Variants in CLCN5 observed in about 807,000 individuals in gnomAD.
CLCN5 encodes Cl-/H+ antiporter 5.
In CLCN5, 17 loss-of-function variants were observed where a neutral mutation model predicts 54.0. The ratio of observed to expected loss-of-function variants is 0.31; its 90% CI spans 0.22 to 0.47. The LOEUF (loss-of-function observed/expected upper bound fraction) is 0.47. Among genes scored for constraint, CLCN5 ranks in the 20% least tolerant of loss-of-function variants. The pLI, the probability that CLCN5 is intolerant of heterozygous loss-of-function variation, is 1.00. For synonymous variants in CLCN5, 222 were observed against 233.0 expected (o/e 0.95, Z 0.43); for missense variants, 448 against 646.7 (o/e 0.69, Z 3.33).
At chrX:50,005,976 A>G (rs1930130879) in intron 3 of CLCN5, among the ~76,000 whole-genome samples, 1 of 112,464 alleles carries the variant, frequency 8.9e-6, no homozygotes, top group South Asian at 3.7e-4. Context: ...AGATAAATAC[A>G]TCATGATTCC....
chrX:50,074,799 A>G (rs1557191901), intron 6 of CLCN5, among the ~76,000 whole-genome samples: 2 of 112,034 alleles, frequency 1.8e-5, no homozygotes, highest in Admixed American at 9.5e-5. Context: ...CAATAGAAGC[A>G]GTGTGTCTGA....
At chrX:49,944,873 T>C (rs1926605267) in intron 3 of CLCN5, among the ~76,000 whole-genome samples, 1 of 111,676 alleles carries the variant, frequency 9.0e-6, no homozygotes, top group Non-Finnish European at 1.9e-5. Context: ...CACCCACTTT[T>C]ATATCATATT....
At chrX:50,066,222 T>G (rs1292189644) in intron 4 of CLCN5, among the ~76,000 whole-genome samples, 2 of 83,408 alleles carry the variant, frequency 2.4e-5, no homozygotes, top group Middle Eastern at 4.9e-3. Context: ...AAAAAGACAG[T>G]CACAGTTGGG....
chrX:49,935,325 T>C (rs1164215635), intron 3 of CLCN5, among the ~76,000 whole-genome samples: 8 of 111,935 alleles, frequency 7.1e-5, no homozygotes, highest in African/African-American at 2.3e-4. Flanking sequence ...GATCCTCTGG[T>C]AAAATTGGCT....
At chrX:50,066,536 A>C (rs1162421971) in intron 4 of CLCN5, among the ~76,000 whole-genome samples, 2 of 112,244 alleles carry the variant, frequency 1.8e-5, no homozygotes, top group Non-Finnish European at 3.8e-5. Flanking sequence ...AATGTTTAAC[A>C]GTGGCTGTCC....
intron 4 of CLCN5, among the ~76,000 whole-genome samples, chrX:50,059,853 A>T (rs924243298): frequency 9.2e-6 from 1 of 108,787 alleles, no homozygotes; most frequent in Admixed American, 1.0e-4. Flanking sequence ...ACGTGGCACC[A>T]GCTATGCAAT....
At chrX:49,997,791 G>A (rs1237767255) in intron 3 of CLCN5, among the ~76,000 whole-genome samples, 3 of 110,253 alleles carry the variant, frequency 2.7e-5, no homozygotes, top group Admixed American at 1.9e-4. Context: ...AAAGTGCTGG[G>A]ATTACAGGCA....
chrX:49,972,357 C>T (rs1337683283), intron 3 of CLCN5, among the ~76,000 whole-genome samples: 1 of 111,349 alleles, frequency 9.0e-6, no homozygotes, highest in Non-Finnish European at 1.9e-5. Flanking sequence ...TATCCTTCCT[C>T]CCTCTGTTTT....
At chrX:50,083,318 A>G (rs1557193470) in intron 9 of CLCN5, among the ~76,000 whole-genome samples, 1 of 111,508 alleles carries the variant, frequency 9.0e-6, no homozygotes, top group African/African-American at 3.3e-5. Flanking sequence ...AGGAGAGGAA[A>G]GCTAGCAGGA....
chrX:49,999,409 CTT>C (rs782377247), intron 3 of CLCN5, among the ~76,000 whole-genome samples: 46 of 91,143 alleles, frequency 5.0e-4, no homozygotes, highest in Admixed American at 7.3e-4. Context: ...GTGGACTTTG[CTT>C]TTTTTTTTTT....
Position 50,095,846 on chromosome X carries a change from C to T in CLCN5, c.*3627C>T, listed in dbSNP as rs1057515941. On this transcript the variant is annotated 3_prime_UTR_variant, in exon 15 of 15. Transcript: ENST00000376091. ...CTATATGTTTTAAGTAGTTCAATCA[C>T]CTGTTGTGGTTCAGTCTTGATTATT... The T allele has an allele frequency of 8.9e-6, 1 of 112,484 alleles. No homozygotes were observed. The highest frequency in any genetic ancestry group is 1.9e-5 in the Non-Finnish European group (1 of 53,325). The allele number at this position is 112,484 out of a possible 1,213,427, so 9.3% of individuals were successfully genotyped here. A position where few individuals can be genotyped will look rare whatever the true frequency, so the allele number is the denominator to read the frequency against.
Position 50,094,865 on chromosome X carries a change from C to T in CLCN5, c.*2646C>T, listed in dbSNP as rs1934210159. 8.9e-6 allele frequency: 1 copy of T among 112,534 alleles called. No individual in the cohort carries two copies. The allele number at this position is 112,534 out of a possible 1,213,427, so 9.3% of individuals were successfully genotyped here. A position where few individuals can be genotyped will look rare whatever the true frequency, so the allele number is the denominator to read the frequency against. On this transcript the variant is annotated 3_prime_UTR_variant, in exon 15 of 15. Coordinates refer to ENST00000376091, the MANE Select transcript of CLCN5 (RefSeq NM_001127898.4). Reference sequence around the variant, plus strand: ...GTTGGCTAATTGCAGCTAGAGCTCTCAACTGCTAGCTCAGCACCTTGACAT... The same window carrying T: ...GTTGGCTAATTGCAGCTAGAGCTCTTAACTGCTAGCTCAGCACCTTGACAT...
intron 12 of CLCN5, among the ~76,000 whole-genome samples, chrX:50,089,859 T>G (rs1236297132): frequency 9.0e-6 from 1 of 111,676 alleles, no homozygotes; most frequent in Non-Finnish European, 1.9e-5. Context: ...CACTCTAGCC[T>G]GGGTGACAGA....
chrX:50,029,051 C>T (rs978064210), intron 3 of CLCN5, among the ~76,000 whole-genome samples: 1 of 111,930 alleles, frequency 8.9e-6, no homozygotes, highest in Non-Finnish European at 1.9e-5. Flanking sequence ...CGATACCAAG[C>T]GATTCCTCAA....
chrX:49,993,211 A>G (rs1323774100), intron 3 of CLCN5, among the ~76,000 whole-genome samples: 1 of 111,665 alleles, frequency 9.0e-6, no homozygotes, highest in Non-Finnish European at 1.9e-5. Flanking sequence ...GCATCTCCTA[A>G]GAGACCTGGA....
chrX:50,015,437 A>G (rs1464553887), intron 3 of CLCN5, among the ~76,000 whole-genome samples: 1 of 107,929 alleles, frequency 9.3e-6, no homozygotes, highest in Non-Finnish European at 1.9e-5. Flanking sequence ...GGGGGTGAAG[A>G]GCAAGGGACC....
chrX:49,974,541 A>C (rs1468959254), intron 3 of CLCN5, among the ~76,000 whole-genome samples: 1 of 111,463 alleles, frequency 9.0e-6, no homozygotes, highest in Admixed American at 9.6e-5. Context: ...GGTTGGTGCT[A>C]TGAAACCCAT....
At chrX:50,030,447 G>T (rs1557185717) in intron 3 of CLCN5, among the ~76,000 whole-genome samples, 1 of 111,354 alleles carries the variant, frequency 9.0e-6, no homozygotes, top group Admixed American at 9.6e-5. Context: ...GCTATTTTTA[G>T]TTGGTATTTT....
At chrX:49,963,422 A>T (rs1213179699) in intron 3 of CLCN5, among the ~76,000 whole-genome samples, 1 of 110,310 alleles carries the variant, frequency 9.1e-6, no homozygotes, top group Non-Finnish European at 1.9e-5. Flanking sequence ...ATGCTGAAAA[A>T]CCCCAATCCA....
Sources: allele counts gnomAD v4.1 joint callset (sites outside exome capture counted in the v4.1 genomes callset), GRCh38; gene constraint gnomAD v4.1.1; transcripts MANE v1.5; gene names NCBI Gene and HGNC (gene_info 2026-07-23, HGNC 2026-07-21).